The following ACSF3 variants were observed in gnomAD, a reference collection of about 807,000 sequenced individuals.
ACSF3 encodes the protein acyl-CoA synthetase family member 3, also known as malonate--CoA ligase ACSF3, mitochondrial.
Under a neutral mutation model 53.2 loss-of-function variants are expected in ACSF3, and 78 were observed. The observed-to-expected ratio is 1.47, with a 90% CI of 1.22 to 1.77. The LOEUF (loss-of-function observed/expected upper bound fraction) is 1.77. ACSF3 is among the 40% of genes most tolerant of loss of function. The probability of loss-of-function intolerance (pLI) is 0.00; values close to 1 mark genes in which losing one functional copy is unlikely to be tolerated. For missense variants in ACSF3, 937 were observed against 771.1 expected, an observed-to-expected ratio of 1.22 and a Z score of -2.55; for synonymous variants, 414 against 333.1, an observed-to-expected ratio of 1.24 and a Z score of -2.65.
intron 8 of ACSF3, 129 bp from the exon 9 acceptor site, chr16:89,145,138 T>TA: frequency 6.2e-7 from 1 of 1,607,106 alleles, no homozygotes; most frequent in Non-Finnish European, 8.5e-7. Context: ...CACAGGGTAG[T>TA]AACCAGAGCC....
chr16:89,124,433 G>A (rs373657441), intron 7 of ACSF3, among the ~76,000 whole-genome samples: 9 of 150,118 alleles, frequency 6.0e-5, no homozygotes, highest in South Asian at 2.1e-4. Context: ...TGCACTGTGC[G>A]TATGTGTGTG....
rs1450563045 is a variant in ACSF3, at chr16:89,145,971, G to A, written c.1535G>A (p.Trp512Ter). Residue 512 changes from tryptophan to a stop codon, truncating the protein, a stop_gained, in exon 10 of 11, where the codon TGG (tryptophan) becomes TAG (stop). Coordinates refer to ENST00000614302, the MANE Select transcript of ACSF3 (RefSeq NM_001243279.3). LOFTEE classifies it high-confidence loss of function. ...VAVIGVPDMT[W>*]GQRVTAVVTL... The stretch of plus-strand genomic sequence containing the variant: ...GTGATTGGAGTTCCGGATATGACAT[G>A]GGGCCAGCGGGTCACTGCTGTGGTG... The A allele has an allele frequency of 3.7e-6, 6 of 1,614,016 alleles. No homozygotes were observed. The African/African-American group carries it at 6.7e-5, about 18-fold the overall frequency.
rs1362391775 is a variant in ACSF3 at position 89,129,813 on chromosome 16, A to G, written c.1240-3323A>G. Among the ~76,000 whole-genome samples the G allele has an allele frequency of 3.3e-5, 5 of 152,188 alleles. No individual in the cohort carries two copies. In the South Asian group the frequency reaches 6.2e-4, roughly 19 times the overall value. ...AGTAGTTCCAGAAACTACAATATAC[A>G]TACTTCCTTTTTTACAGTCTACTTA... On this transcript the variant is annotated intron_variant, in intron 7 of 10. Transcript: ENST00000614302.
intron 8 of ACSF3, chr16:89,136,436 G>T (rs1170749616): frequency 9.3e-7 from 1 of 1,078,506 alleles, no homozygotes; most frequent in Non-Finnish European, 1.2e-6. Context: ...GGCCATTAGC[G>T]ATGCTGCTGC....
chr16:89,143,814 T>C (rs989425453), intron 8 of ACSF3, among the ~76,000 whole-genome samples: 1 of 152,190 alleles, frequency 6.6e-6, no homozygotes, highest in African/African-American at 2.4e-5. Context: ...GGAGCCCACC[T>C]GGGCACACCC....
At chr16:89,120,690 C>A in intron 6 of ACSF3, 111 bp from the exon 7 acceptor site, 1 of 1,035,322 alleles carries the variant, frequency 9.7e-7, no homozygotes, top group Non-Finnish European at 1.5e-6. Flanking sequence ...TCCACACAGA[C>A]TCCCGCACGT....
At chr16:89,123,461 C>G (rs754697121) in intron 7 of ACSF3, among the ~76,000 whole-genome samples, 1 of 152,232 alleles carries the variant, frequency 6.6e-6, no homozygotes. Flanking sequence ...GTGCCCCTCA[C>G]TACCACGGTC....
Position 89,146,810 on chromosome 16 carries a change from C to T in ACSF3, c.1613+761C>T, listed in dbSNP as rs376508111. ...AGTGGTTTCTGATGCATGGGATCCA[C>T]AGACCCTCCACTTTTGCCAGCAGTG... On this transcript the variant is annotated intron_variant, in intron 10 of 10. Transcript: ENST00000614302. Among the ~76,000 whole-genome samples the T allele has an allele frequency of 1.9e-4, 29 of 152,300 alleles. No homozygotes were observed. In the East Asian group the frequency reaches 5.4e-3, roughly 28 times the overall value.
chr16:89,119,880 G>T (rs1906191694), intron 6 of ACSF3, among the ~76,000 whole-genome samples: 1 of 152,208 alleles, frequency 6.6e-6, no homozygotes. Flanking sequence ...CCTCGATGCT[G>T]ACCCTTGAAG....
chr16:89,118,259 C>G (rs970891985), intron 6 of ACSF3, among the ~76,000 whole-genome samples: 1 of 152,188 alleles, frequency 6.6e-6, no homozygotes, highest in Non-Finnish European at 1.5e-5. Flanking sequence ...TCCCTCTTCT[C>G]TAAGGCAGAA....
chr16:89,128,589 A>G (rs1318618667), intron 7 of ACSF3, among the ~76,000 whole-genome samples: 3 of 152,176 alleles, frequency 2.0e-5, no homozygotes, highest in African/African-American at 4.8e-5. Flanking sequence ...ATTTTCATTT[A>G]GTTCAAAATA....
chr16:89,096,973 C>T (rs1337178455), intron 1 of ACSF3, among the ~76,000 whole-genome samples: 3 of 152,262 alleles, frequency 2.0e-5, no homozygotes, highest in African/African-American at 7.2e-5. Context: ...AGTTTCTTCT[C>T]AGCCTGCACT....
intron 8 of ACSF3, chr16:89,136,958 A>T (rs1910624871): frequency 9.0e-7 from 1 of 1,116,306 alleles, no homozygotes; most frequent in African/African-American, 1.6e-5. Flanking sequence ...TGACGGCCAC[A>T]ATGATCTCTG....
At position 89,155,370 on chromosome 16, in the gene ACSF3, G is replaced by T. The variant is rs1914607955; in HGVS notation, c.*1163G>T. 1 of 451,550 alleles carries T rather than the reference G, an allele frequency of 2.2e-6. No homozygotes were observed. The highest frequency in any genetic ancestry group is 2.0e-5 in the African/African-American group (1 of 49,878). 28.0% of individuals were successfully genotyped at this position (451,550 alleles called of 1,614,324 possible). A position where few individuals can be genotyped will look rare whatever the true frequency, so the allele number is the denominator to read the frequency against. Reference sequence around the variant, plus strand: ...TCAGGCTCACGTGCCTCTGACAGGAGACCAGCCCCATCTCAGGCTCACATG... The same window carrying T: ...TCAGGCTCACGTGCCTCTGACAGGATACCAGCCCCATCTCAGGCTCACATG... On this transcript the variant is annotated 3_prime_UTR_variant, in exon 11 of 11. Transcript: ENST00000614302.
chr16:89,117,321 G>A (rs1030413491), intron 6 of ACSF3, among the ~76,000 whole-genome samples: 3 of 152,214 alleles, frequency 2.0e-5, no homozygotes, highest in Non-Finnish European at 2.9e-5. Context: ...GCCTGCCCAC[G>A]GTCACGCGGC....
chr16:89,098,872 C>G (rs758890096), intron 2 of ACSF3, 109 bp downstream of exon 2: 3 of 440,460 alleles, frequency 6.8e-6, no homozygotes, highest in Admixed American at 4.8e-5. Flanking sequence ...TGAAACCTAA[C>G]CTAATATGTG....
intron 1 of ACSF3, among the ~76,000 whole-genome samples, chr16:89,097,339 C>G (rs1974742026): frequency 6.6e-6 from 1 of 152,252 alleles, no homozygotes. Context: ...CAGCTACACA[C>G]AATGACAGGC....
intron 4 of ACSF3, among the ~76,000 whole-genome samples, chr16:89,111,345 T>G (rs1440723096): frequency 1.3e-5 from 2 of 152,148 alleles, no homozygotes; most frequent in Non-Finnish European, 2.9e-5. Flanking sequence ...AGTGAGGAGA[T>G]GAGATGGGCT....
intron 7 of ACSF3, among the ~76,000 whole-genome samples, chr16:89,127,278 G>T (rs1236204428): frequency 6.6e-6 from 1 of 152,034 alleles, no homozygotes; most frequent in East Asian, 1.9e-4. Context: ...GGAAGAGATT[G>T]TGTAGAATTG....
Sources: allele counts gnomAD v4.1 joint callset (sites outside exome capture counted in the v4.1 genomes callset), GRCh38; gene constraint gnomAD v4.1.1; transcripts MANE v1.5; gene names NCBI Gene and HGNC (gene_info 2026-07-23, HGNC 2026-07-21).